Variants in MYH10 observed in about 807,000 individuals in gnomAD.
MYH10 encodes the protein myosin heavy chain 10.
Under a neutral mutation model 257.8 loss-of-function variants are expected in MYH10, and 55 were observed. The ratio of observed to expected loss-of-function variants is 0.21; its 90% confidence interval spans 0.17 to 0.27. The LOEUF is 0.27. MYH10 is among the 10% of genes least tolerant of loss of function. The pLI is 1.00. For missense variants in MYH10, 1,631 were observed against 2,500.6 expected, an observed-to-expected ratio of 0.65 and a Z score of 7.42; for synonymous variants, 854 against 921.7, an observed-to-expected ratio of 0.93 and a Z score of 1.33.
intron 40 of MYH10, 138 bp downstream of exon 40, chr17:8,479,972 C>G (rs939311742): frequency 1.8e-5 from 14 of 784,006 alleles, no homozygotes; most frequent in Non-Finnish European, 2.6e-5. Context: ...ACAGCTCACA[C>G]CAACTTCTGT....
chr17:8,564,340 T>C (rs1304132089), intron 7 of MYH10, among the ~76,000 whole-genome samples: 1 of 152,268 alleles, frequency 6.6e-6, no homozygotes, highest in East Asian at 1.9e-4. Context: ...CTTATAAATA[T>C]GACTGCATGA....
chr17:8,577,400 A>G, intron 4 of MYH10, 62 bp from the exon 5 acceptor site: 1 of 905,758 alleles, frequency 1.1e-6, no homozygotes, highest in Admixed American at 2.1e-5. Context: ...TTCCAAAATT[A>G]CAACTGATAA....
At position 8,480,470 on chromosome 17, in the gene MYH10, C is replaced by T. The variant is rs1159027232; in HGVS notation, c.5320G>A (p.Glu1774Lys). ...RLEARIAQLE[E>K]ELEEEQSNME... ...TTGCTCTGCTCCTCTTCCAGCTCCT[C>T]CTCCAGCTGTGCGATCCGAGCTTCC... The change falls in exon 39 of 43, where the codon GAG becomes AAG. Residue 1774 changes from glutamate to lysine, a missense_variant. Glu to Lys is a moderately conservative substitution (Grantham distance 56, BLOSUM62 1). Coordinates refer to ENST00000360416, the MANE Select transcript of MYH10 (RefSeq NM_001256012.3). 1.2e-6 allele frequency: 2 copies of T among 1,612,488 alleles called. No individual in the cohort carries two copies. The highest frequency in any genetic ancestry group is 1.7e-6 in the Non-Finnish European group (2 of 1,179,992).
In MYH10 at chr17:8,509,920, T is replaced by G. The variant is rs2081203256; in HGVS notation, c.2982A>C (p.Glu994Asp). ...QDLEEQLDEE[E>D]GARQKLQLEK... is the part of the protein sequence containing the mutation. ...CCAGCTGCAGCTTTTGCCGAGCCCC[T>G]TCCTCCTCGTCTAGCTGTTCTTCCA... Residue 994 changes from glutamate (E) to aspartate (D), a missense_variant, in exon 25 of 43, where the codon GAA becomes GAC. Physicochemically the swap from Glu to Asp is conservative, Grantham distance 45. Transcript: ENST00000360416. 1 of 1,612,344 alleles carries G rather than the reference T, an allele frequency of 6.2e-7. No individual in the cohort carries two copies.
intron 7 of MYH10, chr17:8,560,696 C>G: frequency 1.5e-6 from 1 of 671,278 alleles, no homozygotes; most frequent in Non-Finnish European, 2.7e-6. Flanking sequence ...ATAATAATGC[C>G]AGTCCATCTA....
chr17:8,615,808 TCTGATAAAGAATCAGTATTTAAAAAAACA>T (rs778516581), intron 2 of MYH10, among the ~76,000 whole-genome samples: 5 of 152,196 alleles, frequency 3.3e-5, no homozygotes, highest in African/African-American at 1.2e-4. Context: ...TCTCCCTTAA[TCTGATAAAGAATCAGTATTTAAAAAAACA>T]CCAACTACAG....
At chr17:8,591,131 C>T (rs2084123968) in intron 3 of MYH10, among the ~76,000 whole-genome samples, 1 of 152,142 alleles carries the variant, frequency 6.6e-6, no homozygotes, top group South Asian at 2.1e-4. Context: ...CTCGGCCTCC[C>T]AAAGTGCTGG....
At chr17:8,597,323 AAGG>A (rs1455803167) in intron 3 of MYH10, among the ~76,000 whole-genome samples, 2 of 152,008 alleles carry the variant, frequency 1.3e-5, no homozygotes, top group East Asian at 3.9e-4. Context: ...AAAGAAAAGA[AAGG>A]AGAAGAAAAG....
At chr17:8,529,206 T>C (rs1597745946) in intron 17 of MYH10, among the ~76,000 whole-genome samples, 1 of 152,150 alleles carries the variant, frequency 6.6e-6, no homozygotes, top group African/African-American at 2.4e-5. Context: ...GGGCTGAAAA[T>C]GGGTGTGGGG....
At chr17:8,558,884 C>A (rs141351160) in intron 7 of MYH10, among the ~76,000 whole-genome samples, 315 of 152,308 alleles carry the variant, frequency 2.1e-3, no homozygotes, top group Non-Finnish European at 3.7e-3. Flanking sequence ...ACAATTTTCA[C>A]ATACACACCT....
At chr17:8,511,239 GC>G (rs1413328873) in intron 24 of MYH10, 1 of 152,016 alleles carries the variant, frequency 6.6e-6, no homozygotes, top group Non-Finnish European at 1.5e-5. Context: ...CAAAACCCAG[GC>G]TGGGCGCAGT....
chr17:8,517,078 T>C (rs970535006), intron 21 of MYH10, among the ~76,000 whole-genome samples: 1 of 152,042 alleles, frequency 6.6e-6, no homozygotes, highest in African/African-American at 2.4e-5. Context: ...GAGGCGGAGC[T>C]TGCAGTGAGC....
In MYH10 at chr17:8,478,458, G is replaced by A. The variant is rs781334438; in HGVS notation, c.5598-12C>T. On this transcript the variant is annotated splice_polypyrimidine_tract_variant and intron_variant, in intron 40 of 42. Transcript: ENST00000360416. ...CGGCTGCTCGTTCCCTGTGAAAGTG[G>A]TCACAGTAGTTTTGAAATTCTTGAA... 6.2e-7 allele frequency: 1 copy of A among 1,610,866 alleles called. No individual in the cohort carries two copies. The highest frequency in any genetic ancestry group is 8.5e-7 in the Non-Finnish European group (1 of 1,177,176).
At position 8,495,193 on chromosome 17, in the gene MYH10, C is replaced by T. The variant is rs920362698; in HGVS notation, c.4000G>A (p.Gly1334Ser). The T allele has an allele frequency of 2.5e-6, 4 of 1,613,556 alleles. No individual in the cohort carries two copies. Among genetic ancestry groups the T allele is most frequent in the Middle Eastern group, 3.3e-4 (2 of 6,060 alleles). The stretch of plus-strand genomic sequence containing the variant: ...GCTGCATCCTTAGCAAATTTAATAC[C>T]CTTCTTCTCTGCTTCTTCCAGAAGG... ...STLLEEAEKK[G>S]IKFAKDAASL... is the part of the protein sequence containing the mutation. Residue 1334 changes from glycine (G) to serine (S), a missense_variant, in exon 31 of 43, where the codon GGT becomes AGT. This residue lies in a region of MYH10 where 463 missense variants were observed against 621.8 expected (regional missense o/e 0.74). Coordinates refer to ENST00000360416, the MANE Select transcript of MYH10 (RefSeq NM_001256012.3).
At chr17:8,601,633 T>G (rs2084600476) in intron 3 of MYH10, among the ~76,000 whole-genome samples, 1 of 152,230 alleles carries the variant, frequency 6.6e-6, no homozygotes, top group African/African-American at 2.4e-5. Context: ...AATCTACTGC[T>G]CTAGTTTCCA....
chr17:8,492,199 C>CTTCAGGCATTCCCAGGTCA, intron 34 of MYH10, 98 bp downstream of exon 34: 1 of 1,244,496 alleles, frequency 8.0e-7, no homozygotes, highest in Non-Finnish European at 1.1e-6. Context: ...TTCCCAGGTC[C>CTTCAGGCATTCCCAGGTCA]TTCAGGCTCC....
chr17:8,561,370 C>A, intron 7 of MYH10: 1 of 1,146,274 alleles, frequency 8.7e-7, no homozygotes, highest in Non-Finnish European at 1.3e-6. Flanking sequence ...CAGTGGAGGC[C>A]GCAGCAGTCA....
chr17:8,503,474 C>T (rs1301722782), intron 28 of MYH10, among the ~76,000 whole-genome samples: 2 of 152,018 alleles, frequency 1.3e-5, no homozygotes, highest in South Asian at 2.1e-4. Context: ...CAAGGCTCAC[C>T]CCTCTGTTCT....
intron 7 of MYH10, among the ~76,000 whole-genome samples, chr17:8,558,124 G>C (rs1278723251): frequency 6.6e-6 from 1 of 152,160 alleles, no homozygotes; most frequent in Non-Finnish European, 1.5e-5. Flanking sequence ...TTATGGTGTG[G>C]AGAGAAAGTT....
Sources: gnomAD v4.1 joint callset for allele counts (sites outside exome capture counted in the v4.1 genomes callset) on GRCh38, gnomAD v4.1.1 for gene constraint, gnomAD v4.1.1 regional missense constraint, MANE v1.5 for transcripts, NCBI Gene and HGNC (gene_info 2026-07-23, HGNC 2026-07-21) for gene names.